The following RANBP2 variants were observed in gnomAD, a reference collection of about 807,000 sequenced individuals.
The protein encoded by RANBP2 is RAN binding protein 2.
RANBP2 carries 57 observed loss-of-function variants against 303.6 expected under a neutral mutation model. The observed-to-expected ratio is 0.19, with a 90% CI of 0.15 to 0.23. The LOEUF (loss-of-function observed/expected upper bound fraction) is 0.23, where lower values mean the gene tolerates loss of function less well. RANBP2 is among the 10% of genes least tolerant of loss of function. The pLI, the probability that RANBP2 is intolerant of heterozygous loss-of-function variation, is 1.00. For synonymous variants in RANBP2, 1,167 were observed against 1,301.5 expected (o/e 0.90, Z 2.23); for missense variants, 3,138 against 3,780.8 (o/e 0.83, Z 4.46).
the RANBP2 span, among the ~76,000 whole-genome samples, chr2:109,175,159 T>G: frequency 6.6e-6 from 1 of 152,152 alleles, no homozygotes; most frequent in Admixed American, 6.5e-5. Context: ...CTAGTCCTGG[T>G]CCAGACTAGA....
At chr2:109,430,603 C>A in the RANBP2 span, among the ~76,000 whole-genome samples, 1 of 152,164 alleles carries the variant, frequency 6.6e-6, no homozygotes, top group African/African-American at 2.4e-5. Context: ...AGCTTCCCTG[C>A]ACAATACACA....
the RANBP2 span, among the ~76,000 whole-genome samples, chr2:109,341,117 G>C: frequency 6.6e-6 from 1 of 152,156 alleles, no homozygotes; most frequent in African/African-American, 2.4e-5. Context: ...GGATGAATGA[G>C]TGTGCAAATA....
chr2:109,629,622 C>G, the RANBP2 span, among the ~76,000 whole-genome samples: 1 of 151,504 alleles, frequency 6.6e-6, no homozygotes, highest in Non-Finnish European at 1.5e-5. Flanking sequence ...ACCAACCTGG[C>G]TAATATGGTG....
chr2:109,054,166 C>T, the RANBP2 span, among the ~76,000 whole-genome samples: 1 of 152,190 alleles, frequency 6.6e-6, no homozygotes, highest in Non-Finnish European at 1.5e-5. Flanking sequence ...GGGCAAGAGG[C>T]AGGGTTGCCA....
At chr2:109,474,089 GCA>G in the RANBP2 span, among the ~76,000 whole-genome samples, 2 of 152,298 alleles carry the variant, frequency 1.3e-5, no homozygotes, top group East Asian at 1.9e-4. Flanking sequence ...TCCATTTGAT[GCA>G]CAGTCTGGGC....
chr2:108,936,667 C>T, the RANBP2 span, among the ~76,000 whole-genome samples: 6 of 152,268 alleles, frequency 3.9e-5, no homozygotes, highest in East Asian at 1.9e-4. Flanking sequence ...GTAGGGAGCC[C>T]GCAAGGTCAC....
chr2:109,633,221 C>T, the RANBP2 span, among the ~76,000 whole-genome samples: 1 of 152,028 alleles, frequency 6.6e-6, no homozygotes, highest in African/African-American at 2.4e-5. Flanking sequence ...GCAAAAACCT[C>T]GTCTCTACTA....
chr2:109,741,359 A>G, the RANBP2 span, among the ~76,000 whole-genome samples: 1 of 152,328 alleles, frequency 6.6e-6, no homozygotes, highest in Admixed American at 6.5e-5. Flanking sequence ...GTACCCATTT[A>G]TGATAGTTGT....
chr2:108,913,949 CAAAAAA>C, the RANBP2 span, among the ~76,000 whole-genome samples: 1 of 109,156 alleles, frequency 9.2e-6, no homozygotes, highest in Non-Finnish European at 1.8e-5. Context: ...GATTCCGTCT[CAAAAAA>C]AAAAAAAAAA....
the RANBP2 span, among the ~76,000 whole-genome samples, chr2:109,344,094 C>G: frequency 6.6e-6 from 1 of 152,160 alleles, no homozygotes; most frequent in African/African-American, 2.4e-5. Flanking sequence ...CCAGGCCTGA[C>G]TCAGGACTAA....
the RANBP2 span, among the ~76,000 whole-genome samples, chr2:109,322,296 C>T: frequency 6.6e-6 from 1 of 152,162 alleles, no homozygotes; most frequent in Non-Finnish European, 1.5e-5. Flanking sequence ...AGATCCTGCT[C>T]TGTAAACCCA....
At chr2:109,386,157 C>T in the RANBP2 span, among the ~76,000 whole-genome samples, 1 of 152,214 alleles carries the variant, frequency 6.6e-6, no homozygotes, top group Admixed American at 6.5e-5. Flanking sequence ...GCAAAGCTGA[C>T]CGCCTTGCCT....
the RANBP2 span, among the ~76,000 whole-genome samples, chr2:109,678,117 C>G: frequency 2.6e-5 from 4 of 152,244 alleles, no homozygotes; most frequent in Non-Finnish European, 5.9e-5. Flanking sequence ...CCCCACTGTT[C>G]CATCACTCAG....
the RANBP2 span, among the ~76,000 whole-genome samples, chr2:109,337,610 C>A: frequency 0.65 from 98,490 of 152,002 alleles, 33,998 homozygotes; most frequent in East Asian, 0.91. Flanking sequence ...GAAGTCCATC[C>A]TCCATTGGTG....
chr2:109,737,384 T>C, the RANBP2 span: 6 of 665,900 alleles, frequency 9.0e-6, no homozygotes, highest in African/African-American at 1.8e-5. Flanking sequence ...TTCACTTTGA[T>C]CCTTTCTTGC....
the RANBP2 span, among the ~76,000 whole-genome samples, chr2:109,508,775 G>A: frequency 6.6e-6 from 1 of 152,142 alleles, no homozygotes; most frequent in South Asian, 2.1e-4. Context: ...TAAGTGCTCA[G>A]ACAGGGCACC....
the RANBP2 span, among the ~76,000 whole-genome samples, chr2:108,831,960 T>G: frequency 6.6e-6 from 1 of 152,146 alleles, no homozygotes; most frequent in Non-Finnish European, 1.5e-5. Context: ...CTTGAACTTC[T>G]GACCTCAGGT....
At chr2:108,736,368 A>G (rs1695586287) in intron 6 of RANBP2, 119 bp downstream of exon 6, 4 of 1,576,376 alleles carry the variant, frequency 2.5e-6, no homozygotes, top group Non-Finnish European at 2.6e-6. Flanking sequence ...TAGGAGTTAT[A>G]GTTAATACAG....
At chr2:109,673,107 G>A in the RANBP2 span, among the ~76,000 whole-genome samples, 1 of 152,158 alleles carries the variant, frequency 6.6e-6, no homozygotes, top group African/African-American at 2.4e-5. Context: ...AGCTCTAAGG[G>A]GGCCGTGAGC....
Sources: gnomAD v4.1 joint callset for allele counts (sites outside exome capture counted in the v4.1 genomes callset) on GRCh38, gnomAD v4.1.1 for gene constraint, MANE v1.5 for transcripts, NCBI Gene and HGNC (gene_info 2026-07-23, HGNC 2026-07-21) for gene names.